EPHA6: variants seen among roughly 807,000 people sequenced by gnomAD.
EPHA6 encodes the protein ephrin type-A receptor 6.
EPHA6 carries 50 observed loss-of-function variants against 112.0 expected under a neutral mutation model. The ratio of observed to expected loss-of-function variants is 0.45; its 90% CI spans 0.36 to 0.56. The LOEUF (loss-of-function observed/expected upper bound fraction) is 0.56. Among genes scored for constraint, EPHA6 ranks in the 20% least tolerant of loss-of-function variants. EPHA6 has a pLI of 0.00. For missense variants in EPHA6, 1,280 were observed against 1,417.4 expected (o/e 0.90, Z 1.56); for synonymous variants, 529 against 490.7 (o/e 1.08, Z -1.03).
At chr3:97,481,217 T>C in intron 9 of EPHA6, 1 of 1,282,568 alleles carries the variant, frequency 7.8e-7, no homozygotes, top group Non-Finnish European at 1.1e-6. Flanking sequence ...GACAACCTTT[T>C]TCTCCATTAC....
At position 97,758,948 on chromosome 3, in the gene EPHA6, G is replaced by T. The variant is rs190701214; in HGVS notation, c.*10247G>T. Among the ~76,000 whole-genome samples, 8 of 152,054 alleles carry T rather than the reference G, an allele frequency of 5.3e-5. No individual in the cohort carries two copies. The East Asian group carries it at 1.5e-3, about 29-fold the overall frequency. ...CTACTGGAGTAATTCCAGCAAAAAC[G>T]TGGTGGATTCACTACTTCAAGATTT... On this transcript the variant is annotated 3_prime_UTR_variant, in exon 18 of 18. Coordinates refer to ENST00000389672, the MANE Select transcript of EPHA6 (RefSeq NM_001080448.3).
chr3:97,504,931 T>C (rs1303028838), intron 10 of EPHA6, among the ~76,000 whole-genome samples: 2 of 152,154 alleles, frequency 1.3e-5, no homozygotes, highest in African/African-American at 4.8e-5. Flanking sequence ...TTGAAATCAA[T>C]CCCAATTTTT....
chr3:97,122,014 G>A (rs2048055318), intron 3 of EPHA6, among the ~76,000 whole-genome samples: 1 of 151,974 alleles, frequency 6.6e-6, no homozygotes, highest in Admixed American at 6.6e-5. Context: ...TATTGTATAT[G>A]TCTTCATTAA....
intron 2 of EPHA6, among the ~76,000 whole-genome samples, chr3:96,985,134 G>A (rs2042969861): frequency 6.6e-6 from 1 of 152,140 alleles, no homozygotes; most frequent in African/African-American, 2.4e-5. Flanking sequence ...CCCGTCTTCT[G>A]TGTCGCTCAT....
intron 7 of EPHA6, among the ~76,000 whole-genome samples, chr3:97,460,652 C>T (rs1196396806): frequency 1.3e-5 from 2 of 152,302 alleles, no homozygotes; most frequent in African/African-American, 4.8e-5. Flanking sequence ...CCAAAAGAAG[C>T]TACATGCCCC....
chr3:97,237,697 A>T (rs944314406), intron 4 of EPHA6, among the ~76,000 whole-genome samples: 2 of 152,032 alleles, frequency 1.3e-5, no homozygotes, highest in African/African-American at 4.8e-5. Context: ...GAATTTATTC[A>T]TTAATTGTTT....
chr3:97,212,265 A>G (rs983112467), intron 3 of EPHA6, among the ~76,000 whole-genome samples: 1 of 152,144 alleles, frequency 6.6e-6, no homozygotes, highest in Non-Finnish European at 1.5e-5. Context: ...ACCAAATATG[A>G]AGAAAGTAAT....
chr3:96,967,526 T>C (rs1276485521), intron 2 of EPHA6, among the ~76,000 whole-genome samples: 1 of 151,972 alleles, frequency 6.6e-6, no homozygotes, highest in Non-Finnish European at 1.5e-5. Context: ...ACTAGATCAG[T>C]GTCTTAAATA....
chr3:96,985,567 A>T (rs2042990736), intron 2 of EPHA6, among the ~76,000 whole-genome samples: 1 of 152,180 alleles, frequency 6.6e-6, no homozygotes, highest in South Asian at 2.1e-4. Flanking sequence ...GGGAAATATC[A>T]TGTATATTCC....
At chr3:97,015,786 C>CT (rs1242027260) in intron 3 of EPHA6, among the ~76,000 whole-genome samples, 1 of 152,112 alleles carries the variant, frequency 6.6e-6, no homozygotes, top group Non-Finnish European at 1.5e-5. Context: ...CTCCCAGACT[C>CT]TGAGAGCGTT....
chr3:97,153,519 A>C (rs2108380986), intron 3 of EPHA6, among the ~76,000 whole-genome samples: 1 of 152,272 alleles, frequency 6.6e-6, no homozygotes, highest in African/African-American at 2.4e-5. Flanking sequence ...ATTTTAAATA[A>C]GTAATCTACA....
rs57253261 is a variant in EPHA6 at position 97,165,401 on chromosome 3, A to C, written c.1115-60863A>C. Among the ~76,000 whole-genome samples the C allele has an allele frequency of 1.3e-3, 191 of 152,268 alleles. 3 individuals carry two copies. In the East Asian group the frequency reaches 0.036, roughly 28 times the overall value. On this transcript the variant is annotated intron_variant, in intron 3 of 17. Transcript: ENST00000389672. ...AGTATACCTTCTGCAAAGTATAATGACTTACACTTGCAAAGTATATAATAA... is the reference window on the plus strand; with the variant it reads ...AGTATACCTTCTGCAAAGTATAATGCCTTACACTTGCAAAGTATATAATAA...
intron 3 of EPHA6, among the ~76,000 whole-genome samples, chr3:97,060,719 G>A (rs1176637113): frequency 6.6e-6 from 1 of 151,718 alleles, no homozygotes; most frequent in Non-Finnish European, 1.5e-5. Context: ...AGACCATCCT[G>A]GCTAACATGG....
At chr3:97,724,801 A>T (rs1419632969) in intron 15 of EPHA6, among the ~76,000 whole-genome samples, 1 of 151,974 alleles carries the variant, frequency 6.6e-6, no homozygotes, top group Non-Finnish European at 1.5e-5. Flanking sequence ...TTCACTCTCA[A>T]AGAACCCACT....
intron 5 of EPHA6, among the ~76,000 whole-genome samples, chr3:97,256,986 A>G (rs2079335587): frequency 2.0e-5 from 3 of 152,030 alleles, no homozygotes; most frequent in Admixed American, 2.0e-4. Context: ...TTCTGATTAA[A>G]GAAACCGAAG....
At chr3:97,196,765 A>C (rs1216202263) in intron 3 of EPHA6, among the ~76,000 whole-genome samples, 1 of 102,526 alleles carries the variant, frequency 9.8e-6, no homozygotes, top group East Asian at 2.8e-4. Context: ...GTCTTGGGTA[A>C]GATCCGAATG....
intron 3 of EPHA6, among the ~76,000 whole-genome samples, chr3:97,189,507 T>C (rs949052964): frequency 6.6e-6 from 1 of 152,100 alleles, no homozygotes; most frequent in Admixed American, 6.6e-5. Flanking sequence ...TTAAAAATGT[T>C]TGGAGTATTT....
chr3:97,170,304 A>C (rs2076663590), intron 3 of EPHA6, among the ~76,000 whole-genome samples: 1 of 151,766 alleles, frequency 6.6e-6, no homozygotes. Context: ...TTGAATCAAG[A>C]AATCCATGTT....
chr3:97,322,452 G>T (rs1429339627), intron 5 of EPHA6, among the ~76,000 whole-genome samples: 1 of 151,916 alleles, frequency 6.6e-6, no homozygotes, highest in Non-Finnish European at 1.5e-5. Context: ...GTGACCTTTA[G>T]AAGTTACCCA....
Sources: gnomAD v4.1 joint callset for allele counts (sites outside exome capture counted in the v4.1 genomes callset) on GRCh38, gnomAD v4.1.1 for gene constraint, MANE v1.5 for transcripts, NCBI Gene and HGNC (gene_info 2026-07-23, HGNC 2026-07-21) for gene names.